The following WDR13 variants were observed in gnomAD, a reference collection of about 807,000 sequenced individuals.
The protein encoded by WDR13 is WD repeat domain 13, also known as WD repeat-containing protein 13.
In WDR13, 1 loss-of-function variant was observed where a neutral mutation model predicts 28.6. That is an observed-to-expected ratio of 0.03 (90% CI 0.01 to 0.17). The LOEUF (loss-of-function observed/expected upper bound fraction) is 0.17, where lower values mean the gene tolerates loss of function less well. Ranked by LOEUF, WDR13 falls within the 10% of genes least tolerant of loss-of-function variation. The pLI is 1.00. For missense variants in WDR13, 264 were observed against 469.3 expected (o/e 0.56, Z 4.04); for synonymous variants, 201 against 185.9 (o/e 1.08, Z -0.66).
chrX:48,597,923 T>G, intron 1 of WDR13, 35 bp from the exon 2 acceptor site: 1 of 1,148,694 alleles, frequency 8.7e-7, no homozygotes, highest in Non-Finnish European at 1.2e-6. Flanking sequence ...ATCCCTTCGC[T>G]CGGGACGCTC....
At chrX:48,603,473 C>T (rs1556995213) in intron 8 of WDR13, among the ~76,000 whole-genome samples, 1 of 111,783 alleles carries the variant, frequency 8.9e-6, no homozygotes, top group Non-Finnish European at 1.9e-5. Flanking sequence ...CATGGTGAAT[C>T]CCCGTCTCTA....
At chrX:48,598,170 C>T (rs1403480587) in intron 2 of WDR13, 133 bp downstream of exon 2, 3 of 1,129,082 alleles carry the variant, frequency 2.7e-6, no homozygotes, top group East Asian at 3.5e-5. Context: ...TGCGCAGTAG[C>T]GGGGGCGGGC....
chrX:48,607,248 C>T lies in WDR13; in HGVS notation c.*2216C>T, dbSNP rs2062225594. 9.0e-6 allele frequency: 1 copy of T among 110,785 alleles called. No individual in the cohort carries two copies. Among genetic ancestry groups the T allele is most frequent in the Admixed American group, 9.7e-5 (1 of 10,279 alleles). The allele number at this position is 110,785 out of a possible 1,213,427, so 9.1% of individuals were successfully genotyped here. Reference sequence around the variant, plus strand: ...CAGGGCTTCTCTCTCATTGGAGTCACACAAGATGTGCTCGGTTCACAGTAA... The same window carrying T: ...CAGGGCTTCTCTCTCATTGGAGTCATACAAGATGTGCTCGGTTCACAGTAA... On this transcript the variant is annotated 3_prime_UTR_variant, in exon 10 of 10. Coordinates refer to ENST00000376729, the MANE Select transcript of WDR13 (RefSeq NM_001347217.2).
At position 48,598,056 on chromosome X, in the gene WDR13, G is replaced by C; in HGVS notation, c.41+19G>C. ...ACGCGAGGTGAGGCGTGGGGTCAAA[G>C]CCCATGGGAGCAGAACTTACTGTGG... On this transcript the variant is annotated intron_variant, in intron 2 of 9. Coordinates refer to ENST00000376729, the MANE Select transcript of WDR13 (RefSeq NM_001347217.2). 1 of 1,163,421 alleles carries C rather than the reference G, an allele frequency of 8.6e-7. No homozygotes were observed. The highest frequency in any genetic ancestry group is 1.1e-6 in the Non-Finnish European group (1 of 871,349).
At chrX:48,603,872 G>A (rs1309348397) in intron 8 of WDR13, among the ~76,000 whole-genome samples, 1 of 111,312 alleles carries the variant, frequency 9.0e-6, no homozygotes, top group Non-Finnish European at 1.9e-5. Flanking sequence ...AGAAAAACTA[G>A]TGAATGAAAC....
Position 48,599,603 on chromosome X carries a change from G to T in WDR13, c.409G>T (p.Val137Leu). ...VYEDRPPGSV[V>L]PTSAAEASRA... is the part of the protein sequence containing the mutation. ...GGGGCCCAGGCCCCCTGGCAGCGTGGTGCCCACGTCAGCAGCAGAGGCAAG... is the reference window on the plus strand; with the variant it reads ...GGGGCCCAGGCCCCCTGGCAGCGTGTTGCCCACGTCAGCAGCAGAGGCAAG... Residue 137 changes from valine to leucine, a missense_variant, in exon 5 of 10, where the codon GTG (valine) becomes TTG (leucine). Physicochemically the swap from Val to Leu is conservative, Grantham distance 32. Coordinates refer to ENST00000376729, the MANE Select transcript of WDR13 (RefSeq NM_001347217.2). 8.2e-7 allele frequency: 1 copy of T among 1,212,690 alleles called. No individual in the cohort carries two copies. The highest frequency in any genetic ancestry group is 1.1e-6 in the Non-Finnish European group (1 of 895,690).
chrX:48,603,343 G>A lies in WDR13; in HGVS notation c.1155-929G>A, dbSNP rs1477156012. On this transcript the variant is annotated intron_variant, in intron 8 of 9. Coordinates refer to ENST00000376729, the MANE Select transcript of WDR13 (RefSeq NM_001347217.2). ...CCCACCACAGTTTTGAAAGAAAGAC[G>A]TTTTAAAGAAATGGCCTTTTCCGGC... is the stretch of plus-strand genomic sequence containing the variant. 2.7e-5 allele frequency among the ~76,000 whole-genome samples: 3 copies of A among 109,406 alleles called. No homozygotes were observed. In the East Asian group the frequency reaches 9.6e-4, roughly 35 times the overall value.
intron 2 of WDR13, 72 bp from the exon 3 acceptor site, chrX:48,598,645 T>TTGG: frequency 1.0e-6 from 1 of 1,003,539 alleles, no homozygotes; most frequent in Non-Finnish European, 1.3e-6. Flanking sequence ...TCTCCTGCCG[T>TTGG]ACCCCCCCCC....
At chrX:48,598,062 G>C (rs781787176) in intron 2 of WDR13, 25 bp downstream of exon 2, 31 of 1,163,580 alleles carry the variant, frequency 2.7e-5, no homozygotes, top group Non-Finnish European at 3.4e-5. Flanking sequence ...CAAAGCCCAT[G>C]GGAGCAGAAC....
chrX:48,605,122 C>T lies in WDR13; in HGVS notation c.*90C>T, dbSNP rs895385522. The T allele has an allele frequency of 2.4e-5, 26 of 1,072,103 alleles. No individual in the cohort carries two copies. The Admixed American group carries it at 6.6e-4, about 27-fold the overall frequency. The allele number at this position is 1,072,103 out of a possible 1,213,427, so 88.4% of individuals were successfully genotyped here. The stretch of plus-strand genomic sequence containing the variant: ...AAAGTTTCGGTGGTCATGCTGAGGG[C>T]CGGCTCCCAGCTCTGCCGGGGACGG... On this transcript the variant is annotated 3_prime_UTR_variant, in exon 10 of 10. Coordinates refer to ENST00000376729, the MANE Select transcript of WDR13 (RefSeq NM_001347217.2).
rs782420910 is a variant in WDR13, at chrX:48,607,014, C to T, written c.*1982C>T. 9.0e-6 allele frequency: 1 copy of T among 111,141 alleles called. No individual in the cohort carries two copies. The highest frequency in any genetic ancestry group is 2.8e-4 in the East Asian group (1 of 3,520). 9.2% of individuals were successfully genotyped at this position (111,141 alleles called of 1,213,427 possible). Reference sequence around the variant, plus strand: ...GGGACATCAGTGAGCTGGATTGTTCCCATGGTAAAGGTCATGTATGTGTGT... The same window carrying T: ...GGGACATCAGTGAGCTGGATTGTTCTCATGGTAAAGGTCATGTATGTGTGT... On this transcript the variant is annotated 3_prime_UTR_variant, in exon 10 of 10. Coordinates refer to ENST00000376729, the MANE Select transcript of WDR13 (RefSeq NM_001347217.2).
chrX:48,599,941 C>G, intron 5 of WDR13: 1 of 485,615 alleles, frequency 2.1e-6, no homozygotes, highest in Non-Finnish European at 3.3e-6. Context: ...AGCAGGCTGC[C>G]TGGGTTCCTG....
At chrX:48,599,986 A>T in intron 5 of WDR13, 1 of 430,563 alleles carries the variant, frequency 2.3e-6, no homozygotes, top group Non-Finnish European at 3.9e-6. Context: ...TTTGCTGATG[A>T]TAAATCCCCT....
intron 4 of WDR13, 24 bp downstream of exon 4, chrX:48,599,486 C>CG (rs782474092): frequency 9.5e-5 from 114 of 1,202,084 alleles, no homozygotes; most frequent in African/African-American, 7.0e-5. Flanking sequence ...GCAGCCAAGG[C>CG]GGGGGGCGGG....
rs782491445 is a variant in WDR13 at position 48,599,493 on chromosome X, C to T, written c.392+31C>T. ...CACCAGAGGCAGCCAAGGCGGGGGGCGGGTTGCGAGGAGGAGAGGGGCCCT... is the reference window on the plus strand; with the variant it reads ...CACCAGAGGCAGCCAAGGCGGGGGGTGGGTTGCGAGGAGGAGAGGGGCCCT... On this transcript the variant is annotated intron_variant, in intron 4 of 9. Coordinates refer to ENST00000376729, the MANE Select transcript of WDR13 (RefSeq NM_001347217.2). The T allele has an allele frequency of 1.5e-5, 18 of 1,201,614 alleles. No homozygotes were observed. In the East Asian group the frequency reaches 2.4e-4, roughly 16 times the overall value.
intron 2 of WDR13, chrX:48,598,243 C>T (rs1320037331): frequency 9.2e-7 from 1 of 1,091,259 alleles, no homozygotes. Context: ...AAAATGTGGT[C>T]AGATGTGGGC....
At chrX:48,598,344 T>A (rs1179769784) in intron 2 of WDR13, 2 of 1,014,497 alleles carry the variant, frequency 2.0e-6, no homozygotes. Context: ...TTTTTTTTTT[T>A]ACATCATCAC....
At position 48,605,146 on chromosome X, in the gene WDR13, G is replaced by T; in HGVS notation, c.*114G>T. ...GCCGGCTCCCAGCTCTGCCGGGGAC[G>T]GACAGGGCAGAGGGCAGCGGGCAGC... On this transcript the variant is annotated 3_prime_UTR_variant, in exon 10 of 10. Coordinates refer to ENST00000376729, the MANE Select transcript of WDR13 (RefSeq NM_001347217.2). The T allele has an allele frequency of 1.0e-6, 1 of 974,182 alleles. No homozygotes were observed. The allele number at this position is 974,182 out of a possible 1,213,427, so 80.3% of individuals were successfully genotyped here. A position where few individuals can be genotyped will look rare whatever the true frequency, so the allele number is the denominator to read the frequency against.
At chrX:48,604,808 C>G (rs781989150) in intron 9 of WDR13, 40 bp from the exon 10 acceptor site, 12 of 1,184,696 alleles carry the variant, frequency 1.0e-5, no homozygotes, top group African/African-American at 1.8e-5. Flanking sequence ...CAGGGGCACC[C>G]CAGGCGCCTC....
Sources: gnomAD v4.1 joint callset for allele counts (sites outside exome capture counted in the v4.1 genomes callset) on GRCh38, gnomAD v4.1.1 for gene constraint, MANE v1.5 for transcripts, NCBI Gene and HGNC (gene_info 2026-07-23, HGNC 2026-07-21) for gene names.